The following KCNMA1 variants were observed in gnomAD, a reference collection of about 807,000 sequenced individuals.
KCNMA1 encodes the protein Calcium-activated potassium channel subunit alpha-1.
KCNMA1 carries 29 observed loss-of-function variants against 140.0 expected under a neutral mutation model. The ratio of observed to expected loss-of-function variants is 0.21; its 90% confidence interval spans 0.15 to 0.28. The LOEUF is 0.28. Among genes scored for constraint, KCNMA1 ranks in the 10% least tolerant of loss-of-function variants. The pLI is 1.00. For synonymous variants in KCNMA1, 612 were observed against 611.9 expected, an observed-to-expected ratio of 1.00 and a Z score of 0.00; for missense variants, 880 against 1,602.2, an observed-to-expected ratio of 0.55 and a Z score of 7.70.
chr10:76,950,273 C>G (rs3781146), intron 21 of KCNMA1, among the ~76,000 whole-genome samples: 27 of 152,210 alleles, frequency 1.8e-4, no homozygotes, highest in African/African-American at 6.5e-4. Context: ...TCTGGAGGGG[C>G]CTGTTTTGCT....
intron 23 of KCNMA1, among the ~76,000 whole-genome samples, chr10:76,918,801 G>A (rs1246145590): frequency 2.6e-5 from 4 of 151,996 alleles, no homozygotes; most frequent in Non-Finnish European, 5.9e-5. Flanking sequence ...AATGTTTATA[G>A]CAGCACAATT....
At chr10:77,062,828 C>T (rs917080012) in intron 14 of KCNMA1, among the ~76,000 whole-genome samples, 3 of 152,206 alleles carry the variant, frequency 2.0e-5, no homozygotes, top group Non-Finnish European at 4.4e-5. Flanking sequence ...GCAGTGTTTA[C>T]ATTCAAGACA....
chr10:77,311,799 G>A (rs2079390507), intron 2 of KCNMA1, among the ~76,000 whole-genome samples: 1 of 152,166 alleles, frequency 6.6e-6, no homozygotes, highest in African/African-American at 2.4e-5. Context: ...CTGCCTCTCA[G>A]GGACCTAAGC....
intron 19 of KCNMA1, among the ~76,000 whole-genome samples, chr10:76,996,826 T>C (rs1469866957): frequency 6.6e-6 from 1 of 152,138 alleles, no homozygotes; most frequent in Non-Finnish European, 1.5e-5. Context: ...AGAAGTAAAA[T>C]AAGCAAATAG....
chr10:76,998,691 C>A (rs545187159), intron 19 of KCNMA1, among the ~76,000 whole-genome samples: 87 of 152,314 alleles, frequency 5.7e-4, no homozygotes, highest in African/African-American at 1.6e-3. Flanking sequence ...GAAAAGCCCA[C>A]TCTCACCACT....
chr10:77,631,738 A>C (rs1403108503), intron 1 of KCNMA1, among the ~76,000 whole-genome samples: 1 of 152,210 alleles, frequency 6.6e-6, no homozygotes, highest in Non-Finnish European at 1.5e-5. Flanking sequence ...GCTGTGAGGC[A>C]AAGAGAAGGT....
chr10:77,135,818 G>A (rs2098006147), intron 5 of KCNMA1, among the ~76,000 whole-genome samples: 1 of 152,134 alleles, frequency 6.6e-6, no homozygotes, highest in Non-Finnish European at 1.5e-5. Flanking sequence ...TGGAGGGAAG[G>A]GTGGTTGGGT....
intron 14 of KCNMA1, among the ~76,000 whole-genome samples, chr10:77,040,974 T>C (rs2094634656): frequency 6.6e-6 from 1 of 152,188 alleles, no homozygotes; most frequent in African/African-American, 2.4e-5. Context: ...GATTTCACAA[T>C]GTAGTGAATC....
chr10:76,942,737 T>C (rs2062873213), intron 23 of KCNMA1, among the ~76,000 whole-genome samples: 1 of 152,016 alleles, frequency 6.6e-6, no homozygotes, highest in Non-Finnish European at 1.5e-5. Context: ...CATGATCGAG[T>C]TTGGAGGAAA....
intron 1 of KCNMA1, among the ~76,000 whole-genome samples, chr10:77,588,870 A>G (rs760457232): frequency 2.0e-5 from 3 of 152,240 alleles, no homozygotes; most frequent in Non-Finnish European, 4.4e-5. Context: ...AGCAAGAAAC[A>G]AGAAGCAGCA....
intron 5 of KCNMA1, among the ~76,000 whole-genome samples, chr10:77,125,166 G>T (rs1336497272): frequency 6.6e-6 from 1 of 152,094 alleles, no homozygotes; most frequent in East Asian, 1.9e-4. Context: ...TTTGGGTAGG[G>T]ACACAGCCAA....
chr10:77,298,228 TG>T (rs2075699400), intron 2 of KCNMA1, among the ~76,000 whole-genome samples: 1 of 152,106 alleles, frequency 6.6e-6, no homozygotes, highest in South Asian at 2.1e-4. Flanking sequence ...CAGAAATACC[TG>T]GGGAGCTTAT....
intron 2 of KCNMA1, among the ~76,000 whole-genome samples, chr10:77,304,894 C>T (rs976828341): frequency 8.5e-5 from 13 of 152,194 alleles, no homozygotes; most frequent in African/African-American, 3.1e-4. Flanking sequence ...GAGGAAGGCT[C>T]CAGAGGTGAC....
At chr10:77,219,431 C>G (rs1436406105) in intron 3 of KCNMA1, among the ~76,000 whole-genome samples, 2 of 152,122 alleles carry the variant, frequency 1.3e-5, no homozygotes, top group African/African-American at 4.8e-5. Flanking sequence ...CATTCCATAT[C>G]CATACCAGCC....
chr10:77,518,443 C>T (rs1349648872), intron 1 of KCNMA1, among the ~76,000 whole-genome samples: 1 of 152,180 alleles, frequency 6.6e-6, no homozygotes, highest in African/African-American at 2.4e-5. Context: ...CCCCAGCATC[C>T]ATTTAAAAAT....
chr10:77,335,432 T>C (rs942171390), intron 2 of KCNMA1, among the ~76,000 whole-genome samples: 1 of 152,166 alleles, frequency 6.6e-6, no homozygotes, highest in East Asian at 1.9e-4. Flanking sequence ...GGACTTAGAG[T>C]TGTTCTCAAC....
At chr10:77,008,793 G>C (rs1311573117) in intron 18 of KCNMA1, among the ~76,000 whole-genome samples, 1 of 152,170 alleles carries the variant, frequency 6.6e-6, no homozygotes, top group Non-Finnish European at 1.5e-5. Flanking sequence ...TGAGTATGTG[G>C]GTCAGCTGTC....
chr10:77,482,273 G>A (rs1414741458), intron 1 of KCNMA1, among the ~76,000 whole-genome samples: 10 of 152,216 alleles, frequency 6.6e-5, no homozygotes, highest in African/African-American at 2.4e-4. Flanking sequence ...CAGCACCCAC[G>A]TGCATCTGTC....
chr10:77,039,659 G>A (rs570487821), intron 14 of KCNMA1, 22 bp from the exon 15 acceptor site: 33 of 1,453,136 alleles, frequency 2.3e-5, no homozygotes, highest in Middle Eastern at 1.7e-4. Context: ...GAACACATGC[G>A]GAGAGTTTAA....
Sources: allele counts gnomAD v4.1 joint callset (sites outside exome capture counted in the v4.1 genomes callset), GRCh38; gene constraint gnomAD v4.1.1; transcripts MANE v1.5; gene names NCBI Gene and HGNC (gene_info 2026-07-23, HGNC 2026-07-21).